PIWIL1: variants seen among roughly 807,000 people sequenced by gnomAD.
PIWIL1 encodes the protein piwi-like protein 1.
A neutral mutation model predicts 114.4 loss-of-function variants in PIWIL1; 73 were observed. The ratio of observed to expected loss-of-function variants is 0.64; its 90% CI spans 0.53 to 0.78. The LOEUF is 0.78. Ranked by LOEUF, PIWIL1 falls within the 30% of genes least tolerant of loss-of-function variation. The pLI is 0.00. For missense variants in PIWIL1, 723 were observed against 1,063.1 expected (o/e 0.68, Z 4.45); for synonymous variants, 375 against 369.0 (o/e 1.02, Z -0.19).
the PIWIL1 span, chr12:130,425,126 C>T: frequency 5.8e-6 from 2 of 345,658 alleles, no homozygotes; most frequent in South Asian, 1.5e-4. Context: ...TGCATCCAGC[C>T]AAGGAGAGGG....
At position 130,342,408 on chromosome 12, in the gene PIWIL1, G is replaced by C; in HGVS notation, c.-12-172G>C. ...TGCAAGGTAAGCAACTGAGTTTGTT[G>C]AATGTAGGAATGTTACATTAAAAAA... On this transcript the variant is annotated intron_variant, in intron 1 of 20. Transcript: ENST00000245255. The C allele has an allele frequency of 8.2e-6, 5 of 606,078 alleles. No homozygotes were observed. The South Asian group carries it at 1.1e-4, about 13-fold the overall frequency. 37.5% of individuals were successfully genotyped at this position (606,078 alleles called of 1,614,324 possible).
downstream of PIWIL1, among the ~76,000 whole-genome samples, chr12:130,375,420 C>T (rs1004986562): frequency 2.6e-5 from 4 of 152,228 alleles, no homozygotes; most frequent in Non-Finnish European, 4.4e-5. Flanking sequence ...CCACCACCAC[C>T]TCCATCCGCA....
intron 3 of PIWIL1, 87 bp from the exon 4 acceptor site, chr12:130,345,666 G>GTGCT: frequency 7.1e-7 from 1 of 1,414,436 alleles, no homozygotes. Context: ...GTATCCTTTG[G>GTGCT]ATTACACATA....
Position 130,363,035 on chromosome 12 carries a change from C to A in PIWIL1, c.2086C>A (p.Arg696=), listed in dbSNP as rs1264022470. ...TAGCTGCAATGAGTACATGCCCAGC[C>A]GGATCATCGTGTACCGCGATGGCGT... is the stretch of plus-strand genomic sequence containing the variant. ...WNSCNEYMPS[R]IIVYRDGVGD... The change falls in exon 18 of 21, where the codon CGG becomes AGG. Residue 696 remains arginine (R), a synonymous_variant. Transcript: ENST00000245255. 2 of 1,614,092 alleles carry A rather than the reference C, an allele frequency of 1.2e-6. No individual in the cohort carries two copies. The highest frequency in any genetic ancestry group is 1.7e-6 in the Non-Finnish European group (2 of 1,180,054).
downstream of PIWIL1, among the ~76,000 whole-genome samples, chr12:130,376,300 A>G (rs2073865625): frequency 6.6e-6 from 1 of 152,236 alleles, no homozygotes; most frequent in Non-Finnish European, 1.5e-5. Flanking sequence ...AAAACATCTA[A>G]AAATATGCGT....
At chr12:130,345,948 T>C (rs537342462) in intron 4 of PIWIL1, 70 bp downstream of exon 4, 284 of 1,538,086 alleles carry the variant, frequency 1.8e-4, no homozygotes, top group Middle Eastern at 1.5e-3. Context: ...TGAGGCACTT[T>C]AGTTTAGGTG....
At chr12:130,381,133 A>G in the PIWIL1 span, among the ~76,000 whole-genome samples, 1 of 152,074 alleles carries the variant, frequency 6.6e-6, no homozygotes, top group Non-Finnish European at 1.5e-5. Context: ...TCCACAGTTC[A>G]CATGAGGGTT....
At chr12:130,384,639 G>A in the PIWIL1 span, among the ~76,000 whole-genome samples, 8 of 152,180 alleles carry the variant, frequency 5.3e-5, no homozygotes, top group South Asian at 6.2e-4. Context: ...TTCCAGAAGA[G>A]CTGCTGGGGT....
the PIWIL1 span, among the ~76,000 whole-genome samples, chr12:130,390,430 C>T: frequency 6.6e-6 from 1 of 152,098 alleles, no homozygotes; most frequent in Admixed American, 6.5e-5. Flanking sequence ...TACAGGCCAG[C>T]GTCATAAAAA....
At chr12:130,424,096 G>T in the PIWIL1 span, 1 of 1,027,370 alleles carries the variant, frequency 9.7e-7, no homozygotes, top group Non-Finnish European at 1.2e-6. The surrounding 1 kb of genome is among the most constrained non-coding windows in gnomAD (Gnocchi z 9.8). Flanking sequence ...GGATGGGACA[G>T]ATTGGTTTGG....
chr12:130,413,678 A>G, the PIWIL1 span, among the ~76,000 whole-genome samples: 25 of 150,906 alleles, frequency 1.7e-4, no homozygotes, highest in Non-Finnish European at 3.2e-4. Flanking sequence ...CCAAAGGGAT[A>G]GGAAACAACC....
chr12:130,407,790 G>A, the PIWIL1 span: 18 of 1,613,990 alleles, frequency 1.1e-5, no homozygotes, highest in African/African-American at 4.0e-5. Context: ...CATTCTCCGC[G>A]TCGATACCGA....
the PIWIL1 span, chr12:130,407,808 C>T: frequency 6.2e-7 from 1 of 1,613,936 alleles, no homozygotes; most frequent in Non-Finnish European, 8.5e-7. Flanking sequence ...CGAATGACGC[C>T]TGCCACTTCT....
the PIWIL1 span, among the ~76,000 whole-genome samples, chr12:130,413,239 T>C: frequency 6.6e-6 from 1 of 152,186 alleles, no homozygotes; most frequent in South Asian, 2.1e-4. Flanking sequence ...GTCAGGACCC[T>C]TGCTGAAACT....
intron 1 of PIWIL1, among the ~76,000 whole-genome samples, chr12:130,340,851 C>T (rs971354347): frequency 6.6e-6 from 1 of 152,130 alleles, no homozygotes. Context: ...TTGTAATATG[C>T]TGGCACCTCA....
At chr12:130,367,772 C>T (rs2073704038) in intron 19 of PIWIL1, among the ~76,000 whole-genome samples, 1 of 152,174 alleles carries the variant, frequency 6.6e-6, no homozygotes, top group African/African-American at 2.4e-5. Context: ...GCCTTAGTAG[C>T]ACGGGAGGAT....
downstream of PIWIL1, among the ~76,000 whole-genome samples, chr12:130,375,377 A>T (rs2073859420): frequency 6.6e-6 from 1 of 152,128 alleles, no homozygotes; most frequent in Non-Finnish European, 1.5e-5. Flanking sequence ...CAGCTCTCTG[A>T]TGTTTTTCAT....
At chr12:130,387,896 CTTTT>C in the PIWIL1 span, among the ~76,000 whole-genome samples, 1 of 152,140 alleles carries the variant, frequency 6.6e-6, no homozygotes, top group Non-Finnish European at 1.5e-5. Flanking sequence ...GCCAGTTTTT[CTTTT>C]ATAGACAGAG....
At chr12:130,405,440 C>A in the PIWIL1 span, among the ~76,000 whole-genome samples, 2 of 152,114 alleles carry the variant, frequency 1.3e-5, no homozygotes, top group South Asian at 4.1e-4. Context: ...GGTGGAAACA[C>A]ATGTGCAAGG....
Sources: gnomAD v4.1 joint callset for allele counts (sites outside exome capture counted in the v4.1 genomes callset) on GRCh38, gnomAD v4.1.1 for gene constraint, Gnocchi (gnomAD v3.1) non-coding constraint, MANE v1.5 for transcripts, NCBI Gene and HGNC (gene_info 2026-07-23, HGNC 2026-07-21) for gene names.